Variants in GPR155 observed in about 807,000 individuals in gnomAD.
The protein encoded by GPR155 is lysosomal cholesterol signaling protein.
A neutral mutation model predicts 93.1 loss-of-function variants in GPR155; 65 were observed. The ratio of observed to expected loss-of-function variants is 0.70; its 90% CI spans 0.57 to 0.86. The LOEUF is 0.86. GPR155 is among the 40% of genes least tolerant of loss of function. The probability of loss-of-function intolerance (pLI) is 0.00; values close to 1 mark genes in which losing one functional copy is unlikely to be tolerated. For synonymous variants in GPR155, 319 were observed against 360.1 expected, an observed-to-expected ratio of 0.89 and a Z score of 1.29; for missense variants, 838 against 1,034.8, an observed-to-expected ratio of 0.81 and a Z score of 2.61.
At chr2:174,467,612 T>C (rs1687876883) in intron 5 of GPR155, among the ~76,000 whole-genome samples, 1 of 152,250 alleles carries the variant, frequency 6.6e-6, no homozygotes, top group Admixed American at 6.5e-5. Flanking sequence ...ATAGTTATAA[T>C]AATGCACTAT....
At chr2:174,447,457 CAAT>C (rs1687172201) in intron 11 of GPR155, among the ~76,000 whole-genome samples, 1 of 141,262 alleles carries the variant, frequency 7.1e-6, no homozygotes, top group African/African-American at 2.6e-5. Flanking sequence ...AATTATATAA[CAAT>C]TATATATTAT....
chr2:174,446,044 C>T (rs1011076191), intron 12 of GPR155, among the ~76,000 whole-genome samples: 4 of 151,842 alleles, frequency 2.6e-5, no homozygotes, highest in Admixed American at 6.6e-5. Flanking sequence ...CAGTGGCTCA[C>T]GCCTGTAATT....
At chr2:174,484,526 C>T (rs1210983650) in intron 1 of GPR155, among the ~76,000 whole-genome samples, 1 of 152,192 alleles carries the variant, frequency 6.6e-6, no homozygotes, top group East Asian at 1.9e-4. Context: ...TTTAAACTAG[C>T]AGAAGTTCAG....
chr2:174,475,106 T>C (rs1295980515), intron 2 of GPR155, among the ~76,000 whole-genome samples: 1 of 150,342 alleles, frequency 6.7e-6, no homozygotes, highest in Non-Finnish European at 1.5e-5. Context: ...CCATCCCGGC[T>C]AAAATGGTGA....
chr2:174,460,154 A>ATTTTTTTTTTTTTTTTTTTTTT, intron 9 of GPR155, 66 bp from the exon 10 acceptor site: 1 of 337,036 alleles, frequency 3.0e-6, no homozygotes, highest in Non-Finnish European at 4.7e-6. Flanking sequence ...CTTAGGGCAC[A>ATTTTTTTTTTTTTTTTTTTTTT]TTTTTTTTTT....
chr2:174,450,134 GAA>G (rs34260976), intron 11 of GPR155, among the ~76,000 whole-genome samples: 75 of 136,758 alleles, frequency 5.5e-4, no homozygotes, highest in Admixed American at 6.8e-4. Flanking sequence ...ATCCTGTCTT[GAA>G]AAAAAAAAAA....
rs368813390 is a variant in GPR155, at chr2:174,473,737, G to A, written c.461-373C>T. 9.2e-5 allele frequency among the ~76,000 whole-genome samples: 14 copies of A among 152,112 alleles called. 1 individual carries two copies. The highest frequency in any genetic ancestry group is 8.5e-4 in the Admixed American group (13 of 15,260). ...TAGTAATAGCAAAAATGTGTTTATT[G>A]GTATCCATGGAAAGAACAGTTTTAC... On this transcript the variant is annotated intron_variant, in intron 2 of 15. Coordinates refer to ENST00000392552, the MANE Select transcript of GPR155 (RefSeq NM_152529.7).
chr2:174,445,855 G>A (rs1687104530), intron 12 of GPR155, among the ~76,000 whole-genome samples: 1 of 150,830 alleles, frequency 6.6e-6, no homozygotes, highest in South Asian at 2.1e-4. Flanking sequence ...ATTTTTTAAA[G>A]TTTATCTGAG....
chr2:174,470,368 T>G (rs534066913), intron 4 of GPR155, 22 bp downstream of exon 4: 2 of 1,576,470 alleles, frequency 1.3e-6, no homozygotes, highest in South Asian at 2.3e-5. Context: ...ACCATCAAAC[T>G]TAGAAAGTAC....
At chr2:174,476,811 CTTT>C (rs985391365) in intron 2 of GPR155, among the ~76,000 whole-genome samples, 1 of 152,052 alleles carries the variant, frequency 6.6e-6, no homozygotes, top group Non-Finnish European at 1.5e-5. Context: ...TTAATATCTC[CTTT>C]TTTTACCTAA....
intron 9 of GPR155, among the ~76,000 whole-genome samples, chr2:174,460,876 A>G (rs183082671): frequency 6.6e-6 from 1 of 152,328 alleles, no homozygotes; most frequent in African/African-American, 2.4e-5. Context: ...CAAAAACACA[A>G]TAAAATCCAA....
chr2:174,466,654 T>C (rs745531260), intron 5 of GPR155, 27 bp from the exon 6 acceptor site: 2 of 1,170,210 alleles, frequency 1.7e-6, no homozygotes, highest in Non-Finnish European at 2.5e-6. Context: ...TCAAAAGTTA[T>C]TCATGTTTCT....
chr2:174,469,327 T>C (rs550380861), intron 4 of GPR155, among the ~76,000 whole-genome samples: 1 of 152,326 alleles, frequency 6.6e-6, no homozygotes, highest in African/African-American at 2.4e-5. Flanking sequence ...AATTTACTGT[T>C]GATGGTTAGT....
intron 9 of GPR155, 114 bp downstream of exon 9, chr2:174,461,288 T>C: frequency 2.9e-6 from 2 of 678,242 alleles, no homozygotes. Flanking sequence ...CAATCTGATA[T>C]GCAATAAATT....
Position 174,433,098 on chromosome 2 carries a change from C to T in GPR155, c.*3018G>A, listed in dbSNP as rs1476276941. 2.0e-5 allele frequency: 3 copies of T among 151,968 alleles called. No homozygotes were observed. The highest frequency in any genetic ancestry group is 7.3e-5 in the African/African-American group (3 of 41,372). 9.4% of individuals were successfully genotyped at this position (151,968 alleles called of 1,614,324 possible). A position where few individuals can be genotyped will look rare whatever the true frequency, so the allele number is the denominator to read the frequency against. ...TTTTTAAAAAACTGTTTATTTGTTG[C>T]ATTAAAAGGGCAATGACTCTAACCC... On this transcript the variant is annotated 3_prime_UTR_variant, in exon 16 of 16. Transcript: ENST00000392552.
rs764925178 is a variant in GPR155 at position 174,446,620 on chromosome 2, G to T, written c.2004C>A (p.Gly668=). The part of the protein sequence containing the change: ...HVLLCLLLII[G]LFANLSSCLW... ...CAGAAAAAACCATTACAGCGAACAGGCCAATGATGAGAAGTAAACACAGCA... is the reference window on the plus strand; with the variant it reads ...CAGAAAAAACCATTACAGCGAACAGTCCAATGATGAGAAGTAAACACAGCA... Residue 668 remains glycine, a synonymous_variant, in exon 12 of 16, where the codon GGC becomes GGA. Coordinates refer to ENST00000392552, the MANE Select transcript of GPR155 (RefSeq NM_152529.7). The T allele has an allele frequency of 5.0e-6, 8 of 1,613,112 alleles. No individual in the cohort carries two copies. Among genetic ancestry groups the T allele is most frequent in the Non-Finnish European group, 6.8e-6 (8 of 1,179,782 alleles).
At chr2:174,455,610 C>G (rs1687493269) in intron 10 of GPR155, among the ~76,000 whole-genome samples, 1 of 152,050 alleles carries the variant, frequency 6.6e-6, no homozygotes, top group African/African-American at 2.4e-5. Flanking sequence ...GACTGGAGGC[C>G]CAAGTCGGGA....
chr2:174,459,775 G>A (rs1052395669), intron 10 of GPR155, 103 bp downstream of exon 10: 2 of 765,028 alleles, frequency 2.6e-6, no homozygotes, highest in Admixed American at 2.4e-5. Context: ...AACACAGGAG[G>A]CGGAGGTTGC....
chr2:174,457,647 G>T (rs1687558607), intron 10 of GPR155, among the ~76,000 whole-genome samples: 2 of 151,862 alleles, frequency 1.3e-5, no homozygotes, highest in South Asian at 2.1e-4. Flanking sequence ...AGTAGAGATG[G>T]TGTTTCACCA....
Sources: allele counts gnomAD v4.1 joint callset (sites outside exome capture counted in the v4.1 genomes callset), GRCh38; gene constraint gnomAD v4.1.1; transcripts MANE v1.5; gene names NCBI Gene and HGNC (gene_info 2026-07-23, HGNC 2026-07-21).